MRNIP: variants seen among roughly 807,000 people sequenced by gnomAD.
MRNIP encodes the protein MRN complex-interacting protein.
A neutral mutation model predicts 29.8 loss-of-function variants in MRNIP; 30 were observed. The ratio of observed to expected loss-of-function variants is 1.01; its 90% confidence interval spans 0.75 to 1.36. The LOEUF is 1.36. MRNIP is among the 40% of genes most tolerant of loss of function. MRNIP has a pLI of 0.00. For missense variants in MRNIP, 459 were observed against 423.5 expected, an observed-to-expected ratio of 1.08 and a Z score of -0.74; for synonymous variants, 201 against 164.1, an observed-to-expected ratio of 1.23 and a Z score of -1.72.
intron 6 of MRNIP, chr5:179,840,661 C>T (rs1471198700): frequency 1.0e-5 from 6 of 599,964 alleles, no homozygotes; most frequent in Non-Finnish European, 1.5e-5. Flanking sequence ...TCCTGAGTTA[C>T]CCTCATGGGA....
chr5:179,858,427 G>C (rs1213381199), intron 1 of MRNIP, among the ~76,000 whole-genome samples: 7 of 152,098 alleles, frequency 4.6e-5, no homozygotes, highest in African/African-American at 2.4e-5. Flanking sequence ...AACTGCGACA[G>C]CGCTACTTCG....
intron 3 of MRNIP, chr5:179,844,464 G>C: frequency 2.2e-6 from 1 of 446,750 alleles, no homozygotes; most frequent in Non-Finnish European, 4.0e-6. Context: ...CAAGATTGCT[G>C]GAAGATGGAA....
intron 1 of MRNIP, among the ~76,000 whole-genome samples, chr5:179,856,948 G>A (rs540058804): frequency 1.3e-5 from 2 of 152,266 alleles, no homozygotes; most frequent in Admixed American, 6.5e-5. Flanking sequence ...AAATTAGCTG[G>A]GGATGGTGGC....
chr5:179,855,844 C>G (rs1243322058), intron 1 of MRNIP, among the ~76,000 whole-genome samples: 1 of 151,302 alleles, frequency 6.6e-6, no homozygotes, highest in African/African-American at 2.4e-5. Context: ...TTCTCAGCTT[C>G]TACCTTAAAA....
intron 6 of MRNIP, chr5:179,838,282 G>A (rs1020365614): frequency 5.6e-5 from 14 of 248,536 alleles, no homozygotes; most frequent in Non-Finnish European, 9.5e-5. Context: ...AGAGCCTGCC[G>A]GGTTCTGCAG....
intron 4 of MRNIP, among the ~76,000 whole-genome samples, chr5:179,842,471 G>C (rs1399012943): frequency 6.9e-6 from 1 of 144,758 alleles, no homozygotes; most frequent in Non-Finnish European, 1.5e-5. Context: ...ACAAGGTCAG[G>C]AGATCGAGAC....
rs1359646878 is a variant in MRNIP, at chr5:179,844,108, C to G, written c.291+44G>C. The G allele has an allele frequency of 2.6e-6, 4 of 1,521,566 alleles. No homozygotes were observed. The South Asian group carries it at 4.5e-5, about 17-fold the overall frequency. The allele number at this position is 1,521,566 out of a possible 1,614,324, so 94.3% of individuals were successfully genotyped here. On this transcript the variant is annotated intron_variant, in intron 4 of 6. Transcript: ENST00000292586. ...GGATACATCTGTGCATTCATCCCTT[C>G]CCTGACACAGAGCCAGCCTGGGGCA... is the stretch of plus-strand genomic sequence containing the variant.
chr5:179,842,012 G>T lies in MRNIP; in HGVS notation c.344C>A (p.Ser115Tyr), dbSNP rs766755444. The T allele has an allele frequency of 6.2e-7, 1 of 1,614,100 alleles. No homozygotes were observed. Among genetic ancestry groups the T allele is most frequent in the Non-Finnish European group, 8.5e-7 (1 of 1,180,016 alleles). Residue 115 changes from serine to tyrosine, a missense_variant, in exon 5 of 7, where the codon TCC (serine) becomes TAC (tyrosine). Transcript: ENST00000292586. ...SRWLKYLEKD[S>Y]QELELEGTGV... ...TGTTCCTTCCAGCTCCAGTTCTTGG[G>T]AGTCCTTTTCTAGATACTTCAGCCA... is the stretch of plus-strand genomic sequence containing the variant.
At chr5:179,847,927 G>A (rs765595758) in intron 3 of MRNIP, 51 bp downstream of exon 3, 1 of 1,263,430 alleles carries the variant, frequency 7.9e-7, no homozygotes, top group Non-Finnish European at 1.1e-6. Flanking sequence ...CTATTATCCA[G>A]TCAAGACGAA....
At chr5:179,840,547 A>T in intron 6 of MRNIP, 1 of 473,578 alleles carries the variant, frequency 2.1e-6, no homozygotes, top group Non-Finnish European at 3.7e-6. Flanking sequence ...CTGCCCGGAC[A>T]AAGGTCCCCG....
chr5:179,858,725 C>G lies in MRNIP; in HGVS notation c.66+6G>C. 6.6e-7 allele frequency: 1 copy of G among 1,513,404 alleles called. No individual in the cohort carries two copies. Among genetic ancestry groups the G allele is most frequent in the Non-Finnish European group, 8.9e-7 (1 of 1,128,144 alleles). 93.7% of individuals were successfully genotyped at this position (1,513,404 alleles called of 1,614,324 possible). ...AGGAGGAGGAGGGGGCTGGCACCCG[C>G]CAGACCTGGTGCGCCTGGAAGAGGC... On this transcript the variant is annotated splice_donor_region_variant and intron_variant, in intron 1 of 6. Transcript: ENST00000292586.
chr5:179,853,221 T>A, intron 2 of MRNIP, 157 bp downstream of exon 2: 2 of 1,542,286 alleles, frequency 1.3e-6, no homozygotes, highest in African/African-American at 1.4e-5. Context: ...CTCCATCCAT[T>A]TCACTTCCTG....
chr5:179,845,167 T>G (rs1759075780), intron 3 of MRNIP, among the ~76,000 whole-genome samples: 1 of 152,136 alleles, frequency 6.6e-6, no homozygotes, highest in South Asian at 2.1e-4. Context: ...TTCAGCTGCA[T>G]TTAATCTGTT....
chr5:179,851,760 C>T (rs1285611683), intron 2 of MRNIP, among the ~76,000 whole-genome samples: 3 of 151,996 alleles, frequency 2.0e-5, no homozygotes, highest in African/African-American at 4.8e-5. Flanking sequence ...GGGCAGATCA[C>T]GAGGTCAGGA....
At chr5:179,841,092 G>C (rs972178563) in intron 5 of MRNIP, 133 bp from the exon 6 acceptor site, 6 of 623,728 alleles carry the variant, frequency 9.6e-6, no homozygotes, top group African/African-American at 7.3e-5. Flanking sequence ...AGCTGCTCAG[G>C]GTGTCCAGCC....
At position 179,837,428 on chromosome 5, in the gene MRNIP, A is replaced by G; in HGVS notation, c.995T>C (p.Leu332Pro). ...QNPRPTRLCDLFITGEDFDDD... is the reference protein window; with the variant it reads ...QNPRPTRLCDPFITGEDFDDD... ...ATCGAAGTCTTCCCCAGTTATAAAG[A>G]GGTCACATAGTCGTGTGGGTCGAGG... The change falls in exon 7 of 7, where the codon CTC becomes CCC. Residue 332 changes from leucine to proline, a missense_variant. Coordinates refer to ENST00000292586, the MANE Select transcript of MRNIP (RefSeq NM_016175.4). The G allele has an allele frequency of 1.2e-6, 2 of 1,604,448 alleles. No individual in the cohort carries two copies. Among genetic ancestry groups the G allele is most frequent in the Admixed American group, 1.7e-5 (1 of 58,624 alleles).
chr5:179,844,294 T>C, intron 3 of MRNIP, 67 bp from the exon 4 acceptor site: 1 of 1,334,996 alleles, frequency 7.5e-7, no homozygotes, highest in East Asian at 2.3e-5. Flanking sequence ...GGCTCACTCC[T>C]GTAATCCCAG....
rs918282986 is a variant in MRNIP at position 179,840,956 on chromosome 5, C to A, written c.453G>T (p.Lys151Asn). 19 of 1,601,430 alleles carry A rather than the reference C, an allele frequency of 1.2e-5. No individual in the cohort carries two copies. The highest frequency in any genetic ancestry group is 1.6e-5 in the Non-Finnish European group (19 of 1,174,082). ...RFSQDLPRKRKWSRSTVQPPC... is the reference protein window; with the variant it reads ...RFSQDLPRKRNWSRSTVQPPC... ...GAGGCTGGACGGTGCTCCTGCTCCACTTCCTGTCAGGACAGGACCGTCAGT... is the reference window on the plus strand; with the variant it reads ...GAGGCTGGACGGTGCTCCTGCTCCAATTCCTGTCAGGACAGGACCGTCAGT... The change falls in exon 6 of 7, where the codon AAG becomes AAT. Residue 151 changes from lysine to asparagine, a missense_variant. Transcript: ENST00000292586.
intron 2 of MRNIP, among the ~76,000 whole-genome samples, chr5:179,851,705 A>C (rs1010231567): frequency 2.0e-5 from 3 of 152,026 alleles, no homozygotes; most frequent in Non-Finnish European, 4.4e-5. Flanking sequence ...TCAGCCAGGC[A>C]CGGTGGCTCA....
Sources: gnomAD v4.1 joint callset for allele counts (sites outside exome capture counted in the v4.1 genomes callset) on GRCh38, gnomAD v4.1.1 for gene constraint, MANE v1.5 for transcripts, NCBI Gene and HGNC (gene_info 2026-07-23, HGNC 2026-07-21) for gene names.